HS6ST3: variants seen among roughly 807,000 people sequenced by gnomAD.
HS6ST3 encodes the protein heparan-sulfate 6-O-sulfotransferase 3.
In HS6ST3, 12 loss-of-function variants were observed where a neutral mutation model predicts 36.7. That is an observed-to-expected ratio of 0.33 (90% CI 0.21 to 0.53). HS6ST3 has a LOEUF of 0.53. Ranked by LOEUF, HS6ST3 falls within the 20% of genes least tolerant of loss-of-function variation. The pLI, the probability that HS6ST3 is intolerant of heterozygous loss-of-function variation, is 0.95. For synonymous variants in HS6ST3, 240 were observed against 257.5 expected, an observed-to-expected ratio of 0.93 and a Z score of 0.65; for missense variants, 584 against 640.9, an observed-to-expected ratio of 0.91 and a Z score of 0.96.
intron 1 of HS6ST3, among the ~76,000 whole-genome samples, chr13:96,705,099 A>G (rs930342331): frequency 6.6e-6 from 1 of 152,098 alleles, no homozygotes; most frequent in African/African-American, 2.4e-5. Flanking sequence ...TGCATTTGCT[A>G]CAGCTGATGA....
At chr13:96,147,895 G>C (rs2054065872) in intron 1 of HS6ST3, among the ~76,000 whole-genome samples, 1 of 152,218 alleles carries the variant, frequency 6.6e-6, no homozygotes, top group Admixed American at 6.5e-5. Context: ...CACTCAGCAA[G>C]CCTACCATAT....
chr13:96,228,672 A>G (rs1212753114), intron 1 of HS6ST3, among the ~76,000 whole-genome samples: 2 of 152,150 alleles, frequency 1.3e-5, no homozygotes, highest in Non-Finnish European at 2.9e-5. Context: ...GGTCCATGGG[A>G]TGTTGTTTGC....
At chr13:96,437,841 C>T (rs1163984059) in intron 1 of HS6ST3, among the ~76,000 whole-genome samples, 1 of 152,200 alleles carries the variant, frequency 6.6e-6, no homozygotes, top group African/African-American at 2.4e-5. Context: ...TTCGTTTTCT[C>T]AGTAACCCAA....
chr13:96,410,986 A>G (rs1454299089), intron 1 of HS6ST3, among the ~76,000 whole-genome samples: 1 of 152,194 alleles, frequency 6.6e-6, no homozygotes, highest in Non-Finnish European at 1.5e-5. Flanking sequence ...AGGAATGAGG[A>G]TGGTAAATTT....
chr13:96,607,501 G>A (rs2056443235), intron 1 of HS6ST3, among the ~76,000 whole-genome samples: 1 of 152,152 alleles, frequency 6.6e-6, no homozygotes, highest in African/African-American at 2.4e-5. Flanking sequence ...AGAACTGGTG[G>A]AGAACATTAA....
At chr13:96,784,506 A>G (rs576979959) in intron 1 of HS6ST3, among the ~76,000 whole-genome samples, 3 of 152,226 alleles carry the variant, frequency 2.0e-5, no homozygotes, top group Non-Finnish European at 4.4e-5. Flanking sequence ...CAAGAGCATG[A>G]TAATGTCATC....
intron 1 of HS6ST3, among the ~76,000 whole-genome samples, chr13:96,147,033 C>G (rs1486318458): frequency 6.6e-6 from 1 of 152,162 alleles, no homozygotes; most frequent in South Asian, 2.1e-4. Flanking sequence ...GAAAAGTCAG[C>G]AAAGTGATTA....
At chr13:96,564,417 C>T (rs916737127) in intron 1 of HS6ST3, among the ~76,000 whole-genome samples, 2 of 152,174 alleles carry the variant, frequency 1.3e-5, no homozygotes, top group Non-Finnish European at 2.9e-5. Flanking sequence ...GTTTCCTTCA[C>T]AGATCATTGG....
intron 1 of HS6ST3, among the ~76,000 whole-genome samples, chr13:96,706,185 T>C (rs754880692): frequency 1.7e-3 from 259 of 151,910 alleles, no homozygotes; most frequent in Middle Eastern, 3.4e-3. Flanking sequence ...AGAAAGGAAA[T>C]GTGCATGTTC....
intron 1 of HS6ST3, among the ~76,000 whole-genome samples, chr13:96,360,378 A>G (rs1212663894): frequency 6.6e-6 from 1 of 152,136 alleles, no homozygotes; most frequent in Non-Finnish European, 1.5e-5. Context: ...AAGGAAATTA[A>G]TATTGAATCC....
At chr13:96,260,322 C>CT (rs2054659098) in intron 1 of HS6ST3, among the ~76,000 whole-genome samples, 2 of 56,886 alleles carry the variant, frequency 3.5e-5, no homozygotes, top group African/African-American at 6.8e-5. Flanking sequence ...TTTCTTTTTT[C>CT]TTTTTTTGAG....
At chr13:96,665,173 A>C (rs901387794) in intron 1 of HS6ST3, among the ~76,000 whole-genome samples, 1 of 152,124 alleles carries the variant, frequency 6.6e-6, no homozygotes, top group Non-Finnish European at 1.5e-5. Context: ...TCTCAAAAAG[A>C]TAAAATAAAT....
At chr13:96,179,856 G>A (rs898140714) in intron 1 of HS6ST3, among the ~76,000 whole-genome samples, 11 of 151,906 alleles carry the variant, frequency 7.2e-5, no homozygotes, top group Non-Finnish European at 1.3e-4. Flanking sequence ...TAGAGATGGC[G>A]TCTCACTCTG....
intron 1 of HS6ST3, among the ~76,000 whole-genome samples, chr13:96,485,314 A>C (rs2055908665): frequency 6.6e-6 from 1 of 151,730 alleles, no homozygotes; most frequent in African/African-American, 2.4e-5. Flanking sequence ...ATTTTATTAG[A>C]GTTATACCAA....
At chr13:96,459,748 TC>T (rs753782717) in intron 1 of HS6ST3, among the ~76,000 whole-genome samples, 1 of 152,200 alleles carries the variant, frequency 6.6e-6, no homozygotes, top group Non-Finnish European at 1.5e-5. Context: ...AAGAATGATG[TC>T]CTCTAAGTTG....
intron 1 of HS6ST3, among the ~76,000 whole-genome samples, chr13:96,706,701 C>A (rs1427557454): frequency 1.3e-5 from 2 of 151,980 alleles, no homozygotes; most frequent in Non-Finnish European, 1.5e-5. Flanking sequence ...TTCCCTTCTG[C>A]AACATTCTGC....
At chr13:96,358,048 T>C (rs1231428145) in intron 1 of HS6ST3, among the ~76,000 whole-genome samples, 1 of 152,060 alleles carries the variant, frequency 6.6e-6, no homozygotes, top group Non-Finnish European at 1.5e-5. Flanking sequence ...CACCTTCAAT[T>C]CGTAAAAAAA....
chr13:96,208,812 T>C (rs917310110), intron 1 of HS6ST3, among the ~76,000 whole-genome samples: 1 of 152,250 alleles, frequency 6.6e-6, no homozygotes, highest in East Asian at 1.9e-4. Flanking sequence ...AGAGAATTTT[T>C]GTTTTTTGTT....
intron 1 of HS6ST3, among the ~76,000 whole-genome samples, chr13:96,697,963 C>G (rs1324831832): frequency 6.6e-6 from 1 of 152,020 alleles, no homozygotes; most frequent in Admixed American, 6.6e-5. Context: ...TTTCATTTGT[C>G]TTTGAAGTGT....
Sources: gnomAD v4.1 joint callset for allele counts (sites outside exome capture counted in the v4.1 genomes callset) on GRCh38, gnomAD v4.1.1 for gene constraint, MANE v1.5 for transcripts, NCBI Gene and HGNC (gene_info 2026-07-23, HGNC 2026-07-21) for gene names.